Variants in OLFM3 observed in about 807,000 individuals in gnomAD.
The protein encoded by OLFM3 is olfactomedin 3, also known as noelin-3.
Under a neutral mutation model 48.6 loss-of-function variants are expected in OLFM3, and 20 were observed. That is an observed-to-expected ratio of 0.41 (90% CI 0.29 to 0.60). The LOEUF (loss-of-function observed/expected upper bound fraction) is 0.60. Among genes scored for constraint, OLFM3 ranks in the 20% least tolerant of loss-of-function variants. The pLI is 0.28. For missense variants in OLFM3, 437 were observed against 544.3 expected (o/e 0.80, Z 1.96); for synonymous variants, 222 against 198.1 (o/e 1.12, Z -1.01).
chr1:101,933,037 C>G (rs1490544005), intron 1 of OLFM3, among the ~76,000 whole-genome samples: 1 of 151,612 alleles, frequency 6.6e-6, no homozygotes, highest in Non-Finnish European at 1.5e-5. Context: ...CCCATCTCTA[C>G]TAAAAATACA....
intron 1 of OLFM3, among the ~76,000 whole-genome samples, chr1:101,981,619 T>C (rs987217816): frequency 9.9e-5 from 15 of 152,226 alleles, no homozygotes; most frequent in African/African-American, 3.1e-4. Flanking sequence ...CTGCCTACTC[T>C]ACAATTCCAC....
At chr1:101,819,106 A>G (rs1382614586) in intron 4 of OLFM3, among the ~76,000 whole-genome samples, 1 of 152,132 alleles carries the variant, frequency 6.6e-6, no homozygotes, top group East Asian at 1.9e-4. Flanking sequence ...GTGGGAGACC[A>G]TGCCAGGGGA....
intron 3 of OLFM3, among the ~76,000 whole-genome samples, chr1:101,825,806 T>C (rs1654835521): frequency 6.6e-6 from 1 of 152,212 alleles, no homozygotes; most frequent in African/African-American, 2.4e-5. Flanking sequence ...AACTTTGTTT[T>C]TCCTTTGTGC....
chr1:101,893,019 A>G (rs910175555), intron 1 of OLFM3: 1 of 153,430 alleles, frequency 6.5e-6, no homozygotes, highest in East Asian at 1.9e-4. Flanking sequence ...ATTCATTCTA[A>G]TCAACCTCAG....
chr1:101,986,216 G>A (rs377209188), intron 1 of OLFM3, among the ~76,000 whole-genome samples: 2 of 151,826 alleles, frequency 1.3e-5, no homozygotes, highest in African/African-American at 4.8e-5. Context: ...CGCCCGCCTC[G>A]GCCTCCCAAA....
chr1:101,864,410 TATCCTTAC>T (rs1319484914), intron 1 of OLFM3, among the ~76,000 whole-genome samples: 1 of 152,196 alleles, frequency 6.6e-6, no homozygotes, highest in African/African-American at 2.4e-5. Context: ...TACCTCAATC[TATCCTTAC>T]ATCCATTTTT....
chr1:101,868,399 T>C (rs1656940398), intron 1 of OLFM3, among the ~76,000 whole-genome samples: 1 of 152,156 alleles, frequency 6.6e-6, no homozygotes, highest in Admixed American at 6.5e-5. Context: ...ACTTGTTAGA[T>C]ACTGTAGTAA....
chr1:101,991,052 T>C lies in OLFM3; in HGVS notation c.69+5696A>G, dbSNP rs192715125. Reference sequence around the variant, plus strand: ...ATATATATATATATACTTCGTGGTTTTTGATTGGTAAGTGGGCATAGACTG... The same window carrying C: ...ATATATATATATATACTTCGTGGTTCTTGATTGGTAAGTGGGCATAGACTG... On this transcript the variant is annotated intron_variant, in intron 1 of 5. Coordinates refer to ENST00000370103, the MANE Select transcript of OLFM3 (RefSeq NM_058170.4). 2.3e-3 allele frequency among the ~76,000 whole-genome samples: 306 copies of C among 134,130 alleles called. 2 individuals carry two copies. Among genetic ancestry groups the C allele is most frequent in the African/African-American group, 8.1e-3 (288 of 35,528 alleles). 88.0% of individuals were successfully genotyped at this position (134,130 alleles called of 152,430 possible).
intron 1 of OLFM3, among the ~76,000 whole-genome samples, chr1:101,944,879 CAAA>C (rs35504595): frequency 1.0e-3 from 148 of 145,768 alleles, no homozygotes; most frequent in African/African-American, 2.3e-3. Context: ...GACTCCACCT[CAAA>C]AAAAAAAAAA....
intron 1 of OLFM3, among the ~76,000 whole-genome samples, chr1:101,915,626 G>A (rs1891123): frequency 0.43 from 65,799 of 151,892 alleles, 14,357 homozygotes; most frequent in East Asian, 0.59. Flanking sequence ...TTCAAAACAC[G>A]AAGAAATTGA....
At chr1:101,853,828 T>C (rs12025533) in intron 1 of OLFM3, among the ~76,000 whole-genome samples, 8,834 of 152,080 alleles carry the variant, frequency 0.058, 663 homozygotes, top group East Asian at 0.33. Context: ...ATTGAAACAT[T>C]ATGCTTATAG....
At chr1:101,817,244 G>A (rs1414907019) in intron 4 of OLFM3, among the ~76,000 whole-genome samples, 2 of 152,086 alleles carry the variant, frequency 1.3e-5, no homozygotes, top group Non-Finnish European at 2.9e-5. Context: ...GAAGACAAAT[G>A]TTCCTGCAAA....
intron 1 of OLFM3, among the ~76,000 whole-genome samples, chr1:101,995,907 G>A (rs551966697): frequency 1.3e-5 from 2 of 152,184 alleles, no homozygotes; most frequent in South Asian, 4.1e-4. Flanking sequence ...TTTCTTAGAA[G>A]GCTGAAGCTT....
At chr1:101,971,358 C>G (rs966095711) in intron 1 of OLFM3, among the ~76,000 whole-genome samples, 1 of 152,166 alleles carries the variant, frequency 6.6e-6, no homozygotes, top group Non-Finnish European at 1.5e-5. Flanking sequence ...TGGCCCTACG[C>G]TTTTCTTTTC....
intron 1 of OLFM3, among the ~76,000 whole-genome samples, chr1:101,907,314 A>G (rs993207011): frequency 3.6e-4 from 55 of 152,324 alleles, no homozygotes; most frequent in African/African-American, 1.3e-3. Flanking sequence ...TATTGGGACT[A>G]TTTATATACA....
rs565623162 is a variant in OLFM3, at chr1:101,904,355, A to T, written c.70-67330T>A. Among the ~76,000 whole-genome samples the T allele has an allele frequency of 2.6e-5, 4 of 152,230 alleles. No individual in the cohort carries two copies. In the South Asian group the frequency reaches 8.3e-4, roughly 32 times the overall value. On this transcript the variant is annotated intron_variant, in intron 1 of 5. Coordinates refer to ENST00000370103, the MANE Select transcript of OLFM3 (RefSeq NM_058170.4). ...ATATCTTGACTTTATTTTAGGAACGAGTCAGAAGTTATTTGTAACATTTAG... is the reference window on the plus strand; with the variant it reads ...ATATCTTGACTTTATTTTAGGAACGTGTCAGAAGTTATTTGTAACATTTAG...
chr1:101,932,185 T>G (rs561581590), intron 1 of OLFM3, among the ~76,000 whole-genome samples: 1 of 152,226 alleles, frequency 6.6e-6, no homozygotes, highest in Admixed American at 6.5e-5. Context: ...GTTTTTAAAC[T>G]TTAGTGTTCC....
At chr1:101,936,244 C>T (rs56747824) in intron 1 of OLFM3, among the ~76,000 whole-genome samples, 9,451 of 152,140 alleles carry the variant, frequency 0.062, 966 homozygotes, top group African/African-American at 0.21. Context: ...CAAGCTCCTA[C>T]GTCTGACAAA....
intron 1 of OLFM3, among the ~76,000 whole-genome samples, chr1:101,917,466 A>G (rs2339119): frequency 0.46 from 69,695 of 151,906 alleles, 16,122 homozygotes; most frequent in East Asian, 0.59. Flanking sequence ...GCCCAGGCGG[A>G]AGTGCAGTGG....
Sources: gnomAD v4.1 joint callset for allele counts (sites outside exome capture counted in the v4.1 genomes callset) on GRCh38, gnomAD v4.1.1 for gene constraint, MANE v1.5 for transcripts, NCBI Gene and HGNC (gene_info 2026-07-23, HGNC 2026-07-21) for gene names.